ZBTB17: variants seen among roughly 807,000 people sequenced by gnomAD.
ZBTB17 encodes the protein zinc finger and BTB domain-containing protein 17.
Under a neutral mutation model 85.1 loss-of-function variants are expected in ZBTB17, and 24 were observed. The ratio of observed to expected loss-of-function variants is 0.28; its 90% CI spans 0.20 to 0.40. The LOEUF is 0.40. ZBTB17 is among the 10% of genes least tolerant of loss of function. ZBTB17 has a pLI of 1.00. For synonymous variants in ZBTB17, 464 were observed against 460.2 expected (o/e 1.01, Z -0.11); for missense variants, 743 against 1,105.1 (o/e 0.67, Z 4.65).
At chr1:15,949,593 T>A (rs1019224897) in intron 2 of ZBTB17, among the ~76,000 whole-genome samples, 2 of 152,178 alleles carry the variant, frequency 1.3e-5, no homozygotes, top group Non-Finnish European at 2.9e-5. Context: ...CGGGGCTGGC[T>A]CCCCGGCTTC....
intron 2 of ZBTB17, among the ~76,000 whole-genome samples, chr1:15,971,612 TA>T (rs2072688810): frequency 6.7e-6 from 1 of 148,320 alleles, no homozygotes; most frequent in Non-Finnish European, 1.5e-5. Flanking sequence ...ACTATATATA[TA>T]AAATATATAT....
At chr1:15,943,972 G>T in intron 9 of ZBTB17, 77 bp from the exon 10 acceptor site, 1 of 1,381,190 alleles carries the variant, frequency 7.2e-7, no homozygotes, top group Non-Finnish European at 1.0e-6. Flanking sequence ...CTCCCACAAA[G>T]GAACAATTGA....
At chr1:15,942,768 G>A in intron 13 of ZBTB17, 30 bp from the exon 14 acceptor site, 2 of 1,610,080 alleles carry the variant, frequency 1.2e-6, no homozygotes, top group Non-Finnish European at 1.7e-6. Context: ...TCTTGCCTTT[G>A]TGGGAAGGGG....
chr1:15,959,517 GAGGGAGGGAGGGAGGA>G lies in ZBTB17; in HGVS notation c.-2-11036_-2-11021del, dbSNP rs2072174227. On this transcript the variant is annotated intron_variant, in intron 2 of 15. Transcript: ENST00000375743. ...GGAAGGAAGAGGGAGGAGAGGGAGG[GAGGGAGGGAGGGAGGA>G]AGGGAGGGAGGAGAGGGAGGGAGGA... Among the ~76,000 whole-genome samples, 2 of 136,836 alleles carry G rather than the reference GAGGGAGGGAGGGAGGA, an allele frequency of 1.5e-5. 1 individual carries two copies. Among genetic ancestry groups the G allele is most frequent in the African/African-American group, 5.6e-5 (2 of 35,972 alleles). The allele number at this position is 136,836 out of a possible 152,430, so 89.8% of individuals were successfully genotyped here. A position where few individuals can be genotyped will look rare whatever the true frequency, so the allele number is the denominator to read the frequency against.
In ZBTB17 at chr1:15,941,908, C is replaced by T. The variant is rs752662499; in HGVS notation, c.*61G>A. On this transcript the variant is annotated 3_prime_UTR_variant, in exon 16 of 16. Transcript: ENST00000375743. ...AATTTATTCTCTCTAGGGAACAGGC[C>T]ACCCTTCCCGGTTCCAGGGTGCCAT... 13 of 1,542,834 alleles carry T rather than the reference C, an allele frequency of 8.4e-6. No homozygotes were observed. The highest frequency in any genetic ancestry group is 1.4e-5 in the African/African-American group (1 of 73,654).
Position 15,944,793 on chromosome 1 carries a change from A to G in ZBTB17, c.974T>C (p.Ile325Thr). 6.2e-7 allele frequency: 1 copy of G among 1,611,790 alleles called. No individual in the cohort carries two copies. The highest frequency in any genetic ancestry group is 1.3e-5 in the African/African-American group (1 of 74,992). ...FTHTGNFKRH[I>T]RIHTGEKPFS... ...GGGCTTCTCCCCCGTGTGGATGCGGATGTGCCGCTTGAAGTTCCCCGTGTG... is the reference window on the plus strand; with the variant it reads ...GGGCTTCTCCCCCGTGTGGATGCGGGTGTGCCGCTTGAAGTTCCCCGTGTG... Residue 325 changes from isoleucine to threonine, a missense_variant, in exon 8 of 16, where the codon ATC (isoleucine) becomes ACC (threonine). Ile to Thr is a moderately conservative substitution (Grantham distance 89). Around this residue, in one of 4 missense-constraint regions of ZBTB17, gnomAD observed 321 missense variants for 615.7 expected, o/e 0.52. Coordinates refer to ENST00000375743, the MANE Select transcript of ZBTB17 (RefSeq NM_003443.3).
chr1:15,945,932 G>A, intron 5 of ZBTB17, 92 bp from the exon 6 acceptor site: 1 of 1,565,308 alleles, frequency 6.4e-7, no homozygotes, highest in Non-Finnish European at 8.6e-7. Context: ...GTGGCTGCGT[G>A]TGACCCAGGA....
At chr1:15,944,016 ATCTC>A (rs1557771773) in intron 9 of ZBTB17, 121 bp from the exon 10 acceptor site, 2 of 1,087,236 alleles carry the variant, frequency 1.8e-6, no homozygotes, top group East Asian at 5.2e-5. Flanking sequence ...GAAGGGCTCT[ATCTC>A]TCCTGGGTCA....
rs1161160152 is a variant in ZBTB17 at position 15,973,635 on chromosome 1, G to A, written c.-89-510C>T. ...CTCCCCCAGATCTGCTCCCCGTACT[G>A]CTCCCTATCACATGGAGCAGCATCC... is the stretch of plus-strand genomic sequence containing the variant. On this transcript the variant is annotated intron_variant, in intron 1 of 15. Coordinates refer to ENST00000375743, the MANE Select transcript of ZBTB17 (RefSeq NM_003443.3). The surrounding 1 kb of genome is among the most constrained non-coding windows in gnomAD (Gnocchi z 4.1). Among the ~76,000 whole-genome samples, 1 of 152,078 alleles carries A rather than the reference G, an allele frequency of 6.6e-6. No homozygotes were observed. The highest frequency in any genetic ancestry group is 1.5e-5 in the Non-Finnish European group (1 of 68,000).
At chr1:15,954,096 C>A (rs1291371909) in intron 2 of ZBTB17, among the ~76,000 whole-genome samples, 1 of 152,146 alleles carries the variant, frequency 6.6e-6, no homozygotes, top group Admixed American at 6.5e-5. Context: ...ATGGGAGGGG[C>A]ACTGAGTGGA....
At position 15,966,433 on chromosome 1, in the gene ZBTB17, G is replaced by A. The variant is rs1034630268; in HGVS notation, c.-3+6606C>T. 2.0e-5 allele frequency among the ~76,000 whole-genome samples: 3 copies of A among 152,108 alleles called. No homozygotes were observed. The highest frequency in any genetic ancestry group is 6.6e-5 in the Admixed American group (1 of 15,252). On this transcript the variant is annotated intron_variant, in intron 2 of 15. Coordinates refer to ENST00000375743, the MANE Select transcript of ZBTB17 (RefSeq NM_003443.3). This position sits in a 1 kb window ranked among gnomAD's most constrained non-coding sequence, Gnocchi z 4.1. ...ACCCACTAAGCCTGCTTTCTGGCCC[G>A]CTCTCCACTCGCAGCGGGAATTCCC...
At position 15,944,609 on chromosome 1, in the gene ZBTB17, C is replaced by T; in HGVS notation, c.1071-9G>A. The stretch of plus-strand genomic sequence containing the variant: ...CGTAGGGCTTCAGAGGGCTGCAGGG[C>T]CAGAAGGCGACAGGAGGCAGGGCTC... On this transcript the variant is annotated splice_polypyrimidine_tract_variant and intron_variant, in intron 8 of 15. Transcript: ENST00000375743. 1 of 1,599,612 alleles carries T rather than the reference C, an allele frequency of 6.3e-7. No homozygotes were observed. Among genetic ancestry groups the T allele is most frequent in the Non-Finnish European group, 8.5e-7 (1 of 1,179,582 alleles).
chr1:15,972,955 A>G (rs1157073950), intron 2 of ZBTB17, 84 bp downstream of exon 2: 1 of 152,236 alleles, frequency 6.6e-6, no homozygotes, highest in Non-Finnish European at 1.5e-5. Flanking sequence ...GGCTATCAGG[A>G]AAGAATCATT....
intron 4 of ZBTB17, 142 bp downstream of exon 4, chr1:15,946,793 G>C: frequency 9.1e-7 from 1 of 1,103,574 alleles, no homozygotes; most frequent in South Asian, 1.6e-5. Flanking sequence ...GCCACCCTCA[G>C]ACCTGAGGCT....
Position 15,944,748 on chromosome 1 carries a change from C to G in ZBTB17, c.1019G>C (p.Ser340Thr), listed in dbSNP as rs1325096769. ...GEKPFSCREC[S>T]KAFSDPAACK... Reference sequence around the variant, plus strand: ...CGCGGCCGGGTCGGAAAAGGCCTTGCTGCACTCCCGGCACGAGAAGGGCTT... The same window carrying G: ...CGCGGCCGGGTCGGAAAAGGCCTTGGTGCACTCCCGGCACGAGAAGGGCTT... Residue 340 changes from serine to threonine, a missense_variant, in exon 8 of 16, where the codon AGC (serine) becomes ACC (threonine). Physicochemically the swap from Ser to Thr is moderately conservative, Grantham distance 58. This residue lies in a region of ZBTB17 where 321 missense variants were observed against 615.7 expected (regional missense o/e 0.52). Coordinates refer to ENST00000375743, the MANE Select transcript of ZBTB17 (RefSeq NM_003443.3). 18 of 1,612,610 alleles carry G rather than the reference C, an allele frequency of 1.1e-5. No individual in the cohort carries two copies. Among genetic ancestry groups the G allele is most frequent in the Non-Finnish European group, 1.5e-5 (18 of 1,179,876 alleles).
At chr1:15,969,383 C>T (rs1378505011) in intron 2 of ZBTB17, among the ~76,000 whole-genome samples, 1 of 152,118 alleles carries the variant, frequency 6.6e-6, no homozygotes, top group Non-Finnish European at 1.5e-5. Flanking sequence ...CCTGAAACCA[C>T]CTCCCACCCC....
chr1:15,946,716 C>T (rs1213008747), intron 4 of ZBTB17, among the ~76,000 whole-genome samples: 2 of 152,214 alleles, frequency 1.3e-5, no homozygotes, highest in African/African-American at 2.4e-5. Context: ...AGGAGCCTGC[C>T]CGTGTGCAAA....
At chr1:15,963,118 A>C (rs2072318437) in intron 2 of ZBTB17, among the ~76,000 whole-genome samples, 1 of 152,178 alleles carries the variant, frequency 6.6e-6, no homozygotes, top group Admixed American at 6.5e-5. Flanking sequence ...TAAATTAATT[A>C]ATTTTAAAAG....
At chr1:15,969,116 A>G (rs1431596923) in intron 2 of ZBTB17, among the ~76,000 whole-genome samples, 1 of 152,158 alleles carries the variant, frequency 6.6e-6, no homozygotes, top group Admixed American at 6.5e-5. Context: ...AGCATTAGAT[A>G]CTCACAGGAG....
Sources: allele counts gnomAD v4.1 joint callset (sites outside exome capture counted in the v4.1 genomes callset), GRCh38; gene constraint gnomAD v4.1.1; regional missense constraint gnomAD v4.1.1; non-coding constraint Gnocchi (gnomAD v3.1); transcripts MANE v1.5; gene names NCBI Gene and HGNC (gene_info 2026-07-23, HGNC 2026-07-21).